The following RUFY3 variants were observed in gnomAD, a reference collection of about 807,000 sequenced individuals.
RUFY3 encodes protein RUFY3.
Under a neutral mutation model 84.0 loss-of-function variants are expected in RUFY3, and 34 were observed. The observed-to-expected ratio is 0.40, with a 90% confidence interval of 0.31 to 0.54. RUFY3 has a LOEUF of 0.54. Among genes scored for constraint, RUFY3 ranks in the 20% least tolerant of loss-of-function variants. The pLI is 0.39. For missense variants in RUFY3, 507 were observed against 736.8 expected, an observed-to-expected ratio of 0.69 and a Z score of 3.61; for synonymous variants, 242 against 252.9, an observed-to-expected ratio of 0.96 and a Z score of 0.41.
chr4:70,767,257 G>GTTTTTTTTTT lies in RUFY3; in HGVS notation c.573-1280_573-1279insTTTTTTTTTT, dbSNP rs1213309164. 2.9e-5 allele frequency among the ~76,000 whole-genome samples: 2 copies of GTTTTTTTTTT among 68,934 alleles called. 1 individual carries two copies. The highest frequency in any genetic ancestry group is 1.1e-4 in the African/African-American group (2 of 17,430). 45.2% of individuals were successfully genotyped at this position (68,934 alleles called of 152,430 possible). On this transcript the variant is annotated intron_variant, in intron 4 of 17. Coordinates refer to ENST00000381006, the MANE Select transcript of RUFY3 (RefSeq NM_001037442.4). ...TGTGCCACCATGCCCGGCTAATTTT[G>GTTTTTTTTTT]TATTTTTTTTTTTTTTTTTTTTTTT...
intron 1 of RUFY3, among the ~76,000 whole-genome samples, chr4:70,749,399 T>C (rs1240259228): frequency 1.3e-5 from 2 of 151,060 alleles, no homozygotes; most frequent in Non-Finnish European, 3.0e-5. Flanking sequence ...AGCTAATATA[T>C]TTTTTTTTAA....
intron 17 of RUFY3, among the ~76,000 whole-genome samples, chr4:70,805,306 C>T (rs569198210): frequency 8.6e-4 from 131 of 152,328 alleles, no homozygotes; most frequent in Non-Finnish European, 1.5e-4. Context: ...GCCTGAGCAT[C>T]TTCCCAGTTT....
rs1742445302 is a variant in RUFY3 at position 70,722,535 on chromosome 4, G to A, written c.-39G>A. On this transcript the variant is annotated 5_prime_UTR_variant, in exon 1 of 18. The change creates a new upstream start codon in the 5' untranslated region. Transcript: ENST00000381006. ...TTTTGGTGTGTGTGTGTGAGTGTGT[G>A]TGTGTCTGTGTGTGTGTTGTGGTCC... 6.3e-7 allele frequency: 1 copy of A among 1,594,884 alleles called. No individual in the cohort carries two copies.
chr4:70,778,801 A>G (rs1357513149), intron 8 of RUFY3, among the ~76,000 whole-genome samples: 1 of 151,772 alleles, frequency 6.6e-6, no homozygotes, highest in Non-Finnish European at 1.5e-5. Context: ...GCTGGTCTTG[A>G]ACTCCTGACC....
At chr4:70,760,571 A>G (rs1431681990) in intron 1 of RUFY3, among the ~76,000 whole-genome samples, 1 of 151,346 alleles carries the variant, frequency 6.6e-6, no homozygotes, top group Non-Finnish European at 1.5e-5. Context: ...TTTTTTGAGT[A>G]ATTATAGGAG....
intron 1 of RUFY3, among the ~76,000 whole-genome samples, chr4:70,751,455 G>C (rs1723121343): frequency 6.6e-6 from 1 of 152,110 alleles, no homozygotes; most frequent in Non-Finnish European, 1.5e-5. Context: ...AATTATTATT[G>C]TTATCCTAGT....
intron 14 of RUFY3, among the ~76,000 whole-genome samples, chr4:70,796,021 C>T (rs890838843): frequency 2.6e-5 from 4 of 152,062 alleles, no homozygotes; most frequent in African/African-American, 9.7e-5. Context: ...GGCTAACTTT[C>T]TCAAAACATT....
At chr4:70,773,615 AT>A (rs758594351) in intron 6 of RUFY3, 43 bp downstream of exon 6, 73 of 1,407,542 alleles carry the variant, frequency 5.2e-5, no homozygotes, top group Admixed American at 1.2e-4. Context: ...CTGATGTAGC[AT>A]TTTTTTTCCT....
chr4:70,713,789 A>T (rs1360315224), intron 1 of RUFY3, among the ~76,000 whole-genome samples: 1 of 152,144 alleles, frequency 6.6e-6, no homozygotes, highest in Non-Finnish European at 1.5e-5. Flanking sequence ...TTGAGGTGAG[A>T]ATGCTTGGTA....
chr4:70,751,927 AC>A (rs1395771699), intron 1 of RUFY3, among the ~76,000 whole-genome samples: 1 of 152,108 alleles, frequency 6.6e-6, no homozygotes, highest in Non-Finnish European at 1.5e-5. Context: ...TTATCCTACC[AC>A]CATTTGTTGC....
chr4:70,746,587 C>T (rs1722269758), intron 1 of RUFY3, among the ~76,000 whole-genome samples: 1 of 151,480 alleles, frequency 6.6e-6, no homozygotes, highest in South Asian at 2.1e-4. Flanking sequence ...TAGTATATTC[C>T]AAGCACTTCT....
At position 70,789,495 on chromosome 4, in the gene RUFY3, A is replaced by T; in HGVS notation, c.1240A>T (p.Ser414Cys). 1 of 1,610,566 alleles carries T rather than the reference A, an allele frequency of 6.2e-7. No homozygotes were observed. Among genetic ancestry groups the T allele is most frequent in the Non-Finnish European group, 8.5e-7 (1 of 1,178,468 alleles). ...TGTTTATCGTTATTTTCCATAACAG[A>T]GTTCAGACTTAGGAGTAAAACAGAA... is the stretch of plus-strand genomic sequence containing the variant. ...LKHELAFKLQ[S>C]SDLGVKQKSE... Residue 414 changes from serine to cysteine, a missense_variant and splice_region_variant, in exon 12 of 18, where the codon AGT (serine) becomes TGT (cysteine). Ser to Cys is a moderately radical substitution (Grantham distance 112). Transcript: ENST00000381006.
chr4:70,727,957 G>A (rs1331348628), intron 1 of RUFY3, among the ~76,000 whole-genome samples: 1 of 151,942 alleles, frequency 6.6e-6, no homozygotes, highest in Non-Finnish European at 1.5e-5. Context: ...CCCTTAATAA[G>A]TTTACCTAAT....
In RUFY3 at chr4:70,722,273, G is replaced by C. The variant is rs1427426497; in HGVS notation, c.-301G>C. The C allele has an allele frequency of 8.1e-7, 1 of 1,233,110 alleles. No homozygotes were observed. The highest frequency in any genetic ancestry group is 3.1e-5 in the East Asian group (1 of 31,822). 76.4% of individuals were successfully genotyped at this position (1,233,110 alleles called of 1,614,324 possible). ...GCTCAGCTGAAAAAAAAGGTGGGGG[G>C]CAGGGAAGGGAAGATAAAAGGAGAG... On this transcript the variant is annotated 5_prime_UTR_variant, in exon 1 of 18. Coordinates refer to ENST00000381006, the MANE Select transcript of RUFY3 (RefSeq NM_001037442.4).
chr4:70,763,242 T>A (rs1725328252), intron 2 of RUFY3, among the ~76,000 whole-genome samples: 1 of 152,212 alleles, frequency 6.6e-6, no homozygotes, highest in South Asian at 2.1e-4. Context: ...GGATTACATA[T>A]TCTTTTCTAT....
chr4:70,766,273 C>T (rs894047197), intron 4 of RUFY3, among the ~76,000 whole-genome samples: 4 of 152,126 alleles, frequency 2.6e-5, no homozygotes, highest in Non-Finnish European at 4.4e-5. Context: ...TTAAGAGACT[C>T]GCGCTCTGTC....
intron 1 of RUFY3, among the ~76,000 whole-genome samples, chr4:70,742,768 AC>A (rs552669595): frequency 1.8e-3 from 272 of 152,284 alleles, no homozygotes; most frequent in Middle Eastern, 0.014. Flanking sequence ...TCATTACCAA[AC>A]AAAATCAAGG....
chr4:70,760,208 TAAG>T (rs1724787317), intron 1 of RUFY3, among the ~76,000 whole-genome samples: 2 of 152,328 alleles, frequency 1.3e-5, no homozygotes, highest in South Asian at 2.1e-4. Flanking sequence ...CTGCAGATTA[TAAG>T]AAGAACAAGA....
intron 6 of RUFY3, among the ~76,000 whole-genome samples, 184 bp downstream of exon 6, chr4:70,773,756 A>AT (rs1465619469): frequency 8.5e-5 from 13 of 152,068 alleles, no homozygotes; most frequent in Non-Finnish European, 1.3e-4. Flanking sequence ...CCCTAAAAGG[A>AT]TTTTTTTGTT....
Sources: gnomAD v4.1 joint callset for allele counts (sites outside exome capture counted in the v4.1 genomes callset) on GRCh38, gnomAD v4.1.1 for gene constraint, MANE v1.5 for transcripts, NCBI Gene and HGNC (gene_info 2026-07-23, HGNC 2026-07-21) for gene names.